Variants in RAPGEF4 observed in about 807,000 individuals in gnomAD.
The protein encoded by RAPGEF4 is Rap guanine nucleotide exchange factor 4.
In RAPGEF4, 66 loss-of-function variants were observed where a neutral mutation model predicts 147.9. That is an observed-to-expected ratio of 0.45 (90% confidence interval 0.37 to 0.55). The LOEUF (loss-of-function observed/expected upper bound fraction) is 0.55. Ranked by LOEUF, RAPGEF4 falls within the 20% of genes least tolerant of loss-of-function variation. RAPGEF4 has a pLI of 0.00. For missense variants in RAPGEF4, 1,071 were observed against 1,257.3 expected (o/e 0.85, Z 2.24); for synonymous variants, 419 against 442.7 (o/e 0.95, Z 0.67).
At chr2:173,048,501 C>T (rs1685778924) in intron 29 of RAPGEF4, 99 bp from the exon 30 acceptor site, 2 of 1,542,466 alleles carry the variant, frequency 1.3e-6, no homozygotes, top group Non-Finnish European at 1.7e-6. Context: ...TGTCACTTCT[C>T]ATGGTACCAA....
chr2:172,864,451 C>T (rs72908222), intron 4 of RAPGEF4, among the ~76,000 whole-genome samples: 2,394 of 152,254 alleles, frequency 0.016, 24 homozygotes, highest in South Asian at 0.036. Flanking sequence ...GTCTGGGATT[C>T]GGCTCTTGAC....
intron 17 of RAPGEF4, among the ~76,000 whole-genome samples, chr2:173,003,278 G>A (rs1694124665): frequency 6.6e-6 from 1 of 152,124 alleles, no homozygotes; most frequent in African/African-American, 2.4e-5. Flanking sequence ...GGAGGAGGGG[G>A]AAAAATGATA....
At chr2:172,915,280 T>C (rs1683940017) in intron 4 of RAPGEF4, among the ~76,000 whole-genome samples, 1 of 152,240 alleles carries the variant, frequency 6.6e-6, no homozygotes, top group Admixed American at 6.5e-5. Context: ...TTAGAAAGTT[T>C]GACCATCAAC....
chr2:172,802,926 C>G (rs1042196158), intron 3 of RAPGEF4, among the ~76,000 whole-genome samples: 1 of 152,224 alleles, frequency 6.6e-6, no homozygotes, highest in Admixed American at 6.5e-5. Flanking sequence ...CCAAAATGAT[C>G]TCCTTTGACT....
intron 1 of RAPGEF4, among the ~76,000 whole-genome samples, chr2:172,738,008 C>A (rs1326345114): frequency 2.0e-5 from 3 of 152,136 alleles, no homozygotes; most frequent in Non-Finnish European, 4.4e-5. Context: ...AGAATTAATT[C>A]CAATGAGGAA....
chr2:172,926,619 T>A (rs376701797), intron 6 of RAPGEF4, among the ~76,000 whole-genome samples: 5 of 152,198 alleles, frequency 3.3e-5, no homozygotes, highest in African/African-American at 1.2e-4. Flanking sequence ...GTCACCAGGC[T>A]GGAGTGCAGT....
chr2:173,047,878 G>A (rs796306570), intron 29 of RAPGEF4, among the ~76,000 whole-genome samples: 7 of 152,028 alleles, frequency 4.6e-5, no homozygotes, highest in African/African-American at 1.7e-4. Context: ...GGGTTTCACC[G>A]TGTTAGCCAG....
In RAPGEF4 at chr2:172,744,298, G is replaced by A. The variant is rs747059185; in HGVS notation, c.65+8250G>A. 3.9e-5 allele frequency: 16 copies of A among 411,238 alleles called. No individual in the cohort carries two copies. In the Admixed American group the frequency reaches 4.3e-4, roughly 11 times the overall value. The allele number at this position is 411,238 out of a possible 1,614,324, so 25.5% of individuals were successfully genotyped here. A position where few individuals can be genotyped will look rare whatever the true frequency, so the allele number is the denominator to read the frequency against. ...CTTTGTCTTAGGATCAGCCAGACCT[G>A]GATTCAAATTCTGTCACCTCTACCC... On this transcript the variant is annotated intron_variant, in intron 1 of 30. Transcript: ENST00000397081.
Position 173,027,146 on chromosome 2 carries a change from G to T in RAPGEF4, c.2445G>T (p.Leu815Phe). Residue 815 changes from leucine to phenylalanine, a missense_variant, in exon 25 of 31, where the codon TTG becomes TTT. Physicochemically the swap from Leu to Phe is conservative, Grantham distance 22. Coordinates refer to ENST00000397081, the MANE Select transcript of RAPGEF4 (RefSeq NM_007023.4). ...AAAAGACCACAGCAAACTTGGATTT[G>T]TTCCTGAGGAGATTTAATGAAATTC... Reference protein sequence around the residue: ...NFKKTTANLDLFLRRFNEIQF... With the variant: ...NFKKTTANLDFFLRRFNEIQF... 1 of 1,613,436 alleles carries T rather than the reference G, an allele frequency of 6.2e-7. No homozygotes were observed.
chr2:172,850,460 AT>A lies in RAPGEF4; in HGVS notation c.444+36037del, dbSNP rs1398119059. 1.3e-3 allele frequency among the ~76,000 whole-genome samples: 205 copies of A among 152,118 alleles called. 3 individuals are homozygous for A. The highest frequency in any genetic ancestry group is 0.013 in the Admixed American group (205 of 15,274). Reference sequence around the variant, plus strand: ...GTGAAACCCCATCTCTACTAAAAATATTAAAAAATTAGCCGGGCATGGTGGC... The same window carrying A: ...GTGAAACCCCATCTCTACTAAAAATATAAAAAATTAGCCGGGCATGGTGGC... On this transcript the variant is annotated intron_variant, in intron 4 of 30. Coordinates refer to ENST00000397081, the MANE Select transcript of RAPGEF4 (RefSeq NM_007023.4).
chr2:172,824,049 GC>G (rs542004890), intron 4 of RAPGEF4, among the ~76,000 whole-genome samples: 78 of 152,104 alleles, frequency 5.1e-4, no homozygotes, highest in African/African-American at 1.8e-3. Flanking sequence ...TTTTTGGTTT[GC>G]AAATTAAAGA....
intron 1 of RAPGEF4, among the ~76,000 whole-genome samples, chr2:172,781,978 A>T (rs1684725491): frequency 6.6e-6 from 1 of 152,116 alleles, no homozygotes; most frequent in Non-Finnish European, 1.5e-5. Context: ...TACTCCTCTA[A>T]ATTCAAGTCC....
chr2:172,860,445 C>T (rs1261718269), intron 4 of RAPGEF4: 1 of 448,086 alleles, frequency 2.2e-6, no homozygotes, highest in African/African-American at 2.1e-5. Context: ...TAATATCAAC[C>T]TAATAAAGTT....
chr2:173,046,685 G>A (rs1405011294), intron 29 of RAPGEF4, among the ~76,000 whole-genome samples: 2 of 152,164 alleles, frequency 1.3e-5, no homozygotes, highest in South Asian at 2.1e-4. Flanking sequence ...TACATTGTAC[G>A]TTACATTTTC....
chr2:172,845,471 G>A (rs1692075956), intron 4 of RAPGEF4, among the ~76,000 whole-genome samples: 2 of 151,974 alleles, frequency 1.3e-5, no homozygotes, highest in Non-Finnish European at 2.9e-5. Context: ...TCTGATGTTT[G>A]CCAACCAAGG....
chr2:172,896,586 CAA>C (rs577194807), intron 4 of RAPGEF4, among the ~76,000 whole-genome samples: 1 of 151,622 alleles, frequency 6.6e-6, no homozygotes, highest in East Asian at 1.9e-4. Flanking sequence ...CACCCCCCCC[CAA>C]AAAAATCCAG....
chr2:172,875,431 G>T (rs1272267025), intron 4 of RAPGEF4, among the ~76,000 whole-genome samples: 2 of 152,126 alleles, frequency 1.3e-5, no homozygotes, highest in Non-Finnish European at 2.9e-5. Context: ...TGTGTAAGGT[G>T]TAAGGAAGGG....
At chr2:172,783,729 T>C (rs1189864338) in intron 1 of RAPGEF4, among the ~76,000 whole-genome samples, 1 of 151,886 alleles carries the variant, frequency 6.6e-6, no homozygotes, top group African/African-American at 2.4e-5. Context: ...TATGTGGGTA[T>C]GTATATGGGT....
intron 6 of RAPGEF4, among the ~76,000 whole-genome samples, chr2:172,933,539 A>G (rs1171494130): frequency 1.4e-4 from 21 of 152,164 alleles, no homozygotes; most frequent in Admixed American, 1.4e-3. Context: ...ATAATGATAA[A>G]CATTAGACTA....
Sources: allele counts gnomAD v4.1 joint callset (sites outside exome capture counted in the v4.1 genomes callset), GRCh38; gene constraint gnomAD v4.1.1; transcripts MANE v1.5; gene names NCBI Gene and HGNC (gene_info 2026-07-23, HGNC 2026-07-21).